Variants in POU2F3 observed in about 807,000 individuals in gnomAD.
The protein encoded by POU2F3 is POU domain, class 2, transcription factor 3.
POU2F3 carries 23 observed loss-of-function variants against 59.2 expected under a neutral mutation model. The ratio of observed to expected loss-of-function variants is 0.39; its 90% CI spans 0.28 to 0.55. The LOEUF is 0.55. Ranked by LOEUF, POU2F3 falls within the 20% of genes least tolerant of loss-of-function variation. The pLI is 0.66. For synonymous variants in POU2F3, 190 were observed against 214.6 expected (o/e 0.89, Z 1.00); for missense variants, 473 against 544.5 (o/e 0.87, Z 1.31).
chr11:120,272,095 C>T (rs974199560), intron 3 of POU2F3, among the ~76,000 whole-genome samples: 6 of 152,160 alleles, frequency 3.9e-5, no homozygotes, highest in Non-Finnish European at 5.9e-5. Context: ...AACTTGCTAA[C>T]CGCCAGGCTC....
At chr11:120,300,660 AGG>A in intron 5 of POU2F3, among the ~76,000 whole-genome samples, 1 of 152,176 alleles carries the variant, frequency 6.6e-6, no homozygotes, top group East Asian at 1.9e-4. Context: ...GCTACTCAGG[AGG>A]TTGAGGCAAG....
At chr11:120,302,759 C>A (rs1160236281) in intron 6 of POU2F3, 5 of 183,734 alleles carry the variant, frequency 2.7e-5, no homozygotes, top group Non-Finnish European at 4.5e-5. Context: ...TAGAATACTA[C>A]AGACCTGATG....
chr11:120,292,745 G>C (rs773913229), intron 3 of POU2F3, among the ~76,000 whole-genome samples: 1 of 152,208 alleles, frequency 6.6e-6, no homozygotes. Flanking sequence ...GGAGGGCTCC[G>C]CAGCAGTGCT....
Position 120,305,116 on chromosome 11 carries a change from C to T in POU2F3, c.531C>T (p.Pro177=), listed in dbSNP as rs1333232737. 6.2e-7 allele frequency: 1 copy of T among 1,613,986 alleles called. No homozygotes were observed. The change falls in exon 7 of 13, where the codon CCC becomes CCT. Residue 177 remains proline, a synonymous_variant. Transcript: ENST00000543440. ...SQHLPVPKHL[P]SSGGADEPSD... ...ATCTCCCAGTGCCCAAGCATCTACC[C>T]AGCTCTGGAGGGGCCGATGAGCCCA...
At position 120,266,621 on chromosome 11, in the gene POU2F3, C is replaced by T. The variant is rs151205031; in HGVS notation, c.98-2589C>T. ...TTGCCTCAGGACCCAGTCTTTCCAT[C>T]GGAAATGATCTTTCCTCAGGACTTC... On this transcript the variant is annotated intron_variant, in intron 2 of 12. Transcript: ENST00000543440. Among the ~76,000 whole-genome samples the T allele has an allele frequency of 1.5e-3, 231 of 152,226 alleles. 3 individuals carry two copies. The highest frequency in any genetic ancestry group is 6.6e-4 in the Non-Finnish European group (45 of 68,010).
At chr11:120,304,252 G>A (rs982715421) in intron 6 of POU2F3, 1 of 150,472 alleles carries the variant, frequency 6.6e-6, no homozygotes, top group South Asian at 2.1e-4. Context: ...AATGACTTAA[G>A]CCCAGGAGGT....
intron 3 of POU2F3, among the ~76,000 whole-genome samples, chr11:120,284,825 A>C (rs895009548): frequency 3.3e-5 from 5 of 152,178 alleles, no homozygotes; most frequent in African/African-American, 7.2e-5. Context: ...TTTAGGGCTA[A>C]TGGGTCCTTG....
intron 2 of POU2F3, among the ~76,000 whole-genome samples, chr11:120,263,451 C>G (rs1939690773): frequency 6.6e-6 from 1 of 152,182 alleles, no homozygotes; most frequent in African/African-American, 2.4e-5. Flanking sequence ...TTTTCTAATC[C>G]TGATTCTGTG....
intron 3 of POU2F3, among the ~76,000 whole-genome samples, chr11:120,283,854 A>G: frequency 6.7e-6 from 1 of 149,136 alleles, no homozygotes; most frequent in East Asian, 2.0e-4. Context: ...AATATTTGGG[A>G]AAAGGGTCTG....
intron 3 of POU2F3, 151 bp from the exon 4 acceptor site, chr11:120,298,114 G>A: frequency 9.8e-7 from 1 of 1,024,656 alleles, no homozygotes; most frequent in Middle Eastern, 3.2e-4. Context: ...CACACAGGCA[G>A]GAAAAGTAAG....
chr11:120,261,764 G>A lies in POU2F3; in HGVS notation c.98-7446G>A, dbSNP rs139158211. Among the ~76,000 whole-genome samples the A allele has an allele frequency of 8.5e-4, 130 of 152,338 alleles. 1 individual carries two copies. The East Asian group carries it at 0.021, about 25-fold the overall frequency. ...GGAGGGAAAGAAAAAGTCCTGGTAC[G>A]TTTCAATCAAATGCATTGAATCCTA... On this transcript the variant is annotated intron_variant, in intron 2 of 12. Coordinates refer to ENST00000543440, the MANE Select transcript of POU2F3 (RefSeq NM_014352.4).
chr11:120,252,120 A>G (rs553986221), intron 2 of POU2F3, among the ~76,000 whole-genome samples: 88 of 150,302 alleles, frequency 5.9e-4, no homozygotes, highest in Admixed American at 3.4e-3. Flanking sequence ...ACAGGATGCC[A>G]TCCTCAGTGC....
chr11:120,302,444 T>C, intron 6 of POU2F3, 76 bp downstream of exon 6: 1 of 1,412,146 alleles, frequency 7.1e-7, no homozygotes, highest in Non-Finnish European at 9.9e-7. Context: ...GGTTTCCCCC[T>C]ACCCCTTTAA....
At chr11:120,287,277 G>A (rs1009634713) in intron 3 of POU2F3, among the ~76,000 whole-genome samples, 2 of 152,172 alleles carry the variant, frequency 1.3e-5, no homozygotes, top group Admixed American at 6.5e-5. Context: ...ACTTCTCTGA[G>A]ACTCAATTTC....
chr11:120,311,792 C>T (rs750099487), intron 10 of POU2F3, among the ~76,000 whole-genome samples: 64 of 152,156 alleles, frequency 4.2e-4, no homozygotes, highest in African/African-American at 1.0e-3. Flanking sequence ...AGGAGGAACT[C>T]GCCTATGGAG....
chr11:120,283,466 C>A (rs572635949), intron 3 of POU2F3, among the ~76,000 whole-genome samples: 13 of 152,136 alleles, frequency 8.5e-5, no homozygotes, highest in Non-Finnish European at 1.9e-4. Context: ...CTGGGGAGTC[C>A]AAGTGCATAA....
intron 8 of POU2F3, among the ~76,000 whole-genome samples, chr11:120,306,159 G>A (rs1320677673): frequency 6.6e-6 from 1 of 152,232 alleles, no homozygotes; most frequent in Non-Finnish European, 1.5e-5. Context: ...ATACAGGGCA[G>A]TGGGGCCTCT....
intron 6 of POU2F3, chr11:120,304,339 A>AAAAAAAAAAAAAAAAAAAAG (rs368735249): frequency 1.4e-5 from 2 of 141,784 alleles, no homozygotes; most frequent in East Asian, 4.9e-4. Flanking sequence ...TCAAAAAAAA[A>AAAAAAAAAAAAAAAAAAAAG]AAGAAGAAGA....
chr11:120,296,664 T>C (rs1941200449), intron 3 of POU2F3, among the ~76,000 whole-genome samples: 1 of 152,232 alleles, frequency 6.6e-6, no homozygotes, highest in African/African-American at 2.4e-5. Flanking sequence ...TTTCTGTTCC[T>C]GCATTAGTTT....
Sources: gnomAD v4.1 joint callset for allele counts (sites outside exome capture counted in the v4.1 genomes callset) on GRCh38, gnomAD v4.1.1 for gene constraint, MANE v1.5 for transcripts, NCBI Gene and HGNC (gene_info 2026-07-23, HGNC 2026-07-21) for gene names.